GNAQ: variants seen among roughly 807,000 people sequenced by gnomAD.
GNAQ encodes G protein subunit alpha q, also known as guanine nucleotide-binding protein G(q) subunit alpha.
Under a neutral mutation model 43.9 loss-of-function variants are expected in GNAQ, and 8 were observed. The ratio of observed to expected loss-of-function variants is 0.18; its 90% CI spans 0.11 to 0.33. The LOEUF is 0.33. Ranked by LOEUF, GNAQ falls within the 10% of genes least tolerant of loss-of-function variation. The pLI is 1.00. For synonymous variants in GNAQ, 155 were observed against 170.7 expected, an observed-to-expected ratio of 0.91 and a Z score of 0.71; for missense variants, 158 against 450.8, an observed-to-expected ratio of 0.35 and a Z score of 5.88.
At chr9:77,772,426 A>T (rs1401356782) in intron 5 of GNAQ, among the ~76,000 whole-genome samples, 2 of 152,014 alleles carry the variant, frequency 1.3e-5, no homozygotes, top group Non-Finnish European at 2.9e-5. Flanking sequence ...CCCTGCCCCC[A>T]ATCTTCCTGG....
chr9:77,972,054 C>T (rs1050623759), intron 1 of GNAQ, among the ~76,000 whole-genome samples: 3 of 151,890 alleles, frequency 2.0e-5, no homozygotes, highest in East Asian at 1.9e-4. Context: ...AGATTTTGGG[C>T]TGAGATGATG....
At chr9:77,747,118 AAC>A (rs1418578151) in intron 5 of GNAQ, among the ~76,000 whole-genome samples, 1 of 152,164 alleles carries the variant, frequency 6.6e-6, no homozygotes, top group Non-Finnish European at 1.5e-5. Context: ...GTAGAGTGGA[AAC>A]ACAGGAGAGT....
At chr9:78,010,565 A>G (rs1823761704) in intron 1 of GNAQ, among the ~76,000 whole-genome samples, 1 of 152,196 alleles carries the variant, frequency 6.6e-6, no homozygotes, top group South Asian at 2.1e-4. Context: ...ACTCTCTATG[A>G]AAGACTTCAC....
At chr9:77,758,363 T>C (rs989369962) in intron 5 of GNAQ, among the ~76,000 whole-genome samples, 3 of 152,204 alleles carry the variant, frequency 2.0e-5, no homozygotes, top group Admixed American at 1.3e-4. Flanking sequence ...ACATCACAAA[T>C]ATTCTAAAAC....
Position 77,860,470 on chromosome 9 carries a change from G to A in GNAQ, c.322-44700C>T, listed in dbSNP as rs1026827288. The stretch of plus-strand genomic sequence containing the variant: ...ATGCTACAGAGATTGAGTAGGTGAG[G>A]CGGCGGGGGGATTGTTTGGGGATGA... On this transcript the variant is annotated intron_variant, in intron 2 of 6. Coordinates refer to ENST00000286548, the MANE Select transcript of GNAQ (RefSeq NM_002072.5). 3.3e-5 allele frequency among the ~76,000 whole-genome samples: 5 copies of A among 152,298 alleles called. No homozygotes were observed. The Middle Eastern group carries it at 0.017, about 518-fold the overall frequency.
At chr9:77,793,056 G>C (rs992681310) in intron 5 of GNAQ, among the ~76,000 whole-genome samples, 1 of 152,018 alleles carries the variant, frequency 6.6e-6, no homozygotes, top group Admixed American at 6.6e-5. Flanking sequence ...AAAATCAGAA[G>C]TGTTAGAATA....
At chr9:77,884,894 GA>G (rs1441924313) in intron 2 of GNAQ, among the ~76,000 whole-genome samples, 1 of 152,188 alleles carries the variant, frequency 6.6e-6, no homozygotes, top group Non-Finnish European at 1.5e-5. Flanking sequence ...GGGAGATTTT[GA>G]AAAGAAAGTA....
At chr9:77,813,973 AAG>A (rs1409829429) in intron 3 of GNAQ, among the ~76,000 whole-genome samples, 1 of 152,206 alleles carries the variant, frequency 6.6e-6, no homozygotes, top group African/African-American at 2.4e-5. Flanking sequence ...GAGAGGAGTT[AAG>A]AGAGAGCCAG....
chr9:77,758,514 T>C (rs1825938655), intron 5 of GNAQ, among the ~76,000 whole-genome samples: 1 of 152,196 alleles, frequency 6.6e-6, no homozygotes, highest in Non-Finnish European at 1.5e-5. Flanking sequence ...AAATGAAAAA[T>C]GCATGTATAT....
At chr9:77,812,864 CTACATATATA>C (rs969874145) in intron 3 of GNAQ, among the ~76,000 whole-genome samples, 23 of 151,818 alleles carry the variant, frequency 1.5e-4, no homozygotes, top group African/African-American at 4.3e-4. Flanking sequence ...TGACGTATGT[CTACATATATA>C]TACATATATA....
rs546807126 is a variant in GNAQ at position 77,959,396 on chromosome 9, C to G, written c.137-37051G>C. Among the ~76,000 whole-genome samples the G allele has an allele frequency of 1.2e-3, 182 of 152,206 alleles. 2 individuals carry two copies. The highest frequency in any genetic ancestry group is 4.2e-3 in the African/African-American group (173 of 41,528). Reference sequence around the variant, plus strand: ...TGTTTTAGTTCATCCTTCATACTTACAGATAATGTGAAATTTATTAGTAAA... The same window carrying G: ...TGTTTTAGTTCATCCTTCATACTTAGAGATAATGTGAAATTTATTAGTAAA... On this transcript the variant is annotated intron_variant, in intron 1 of 6. Coordinates refer to ENST00000286548, the MANE Select transcript of GNAQ (RefSeq NM_002072.5).
At chr9:77,892,819 T>C (rs1564143125) in intron 2 of GNAQ, among the ~76,000 whole-genome samples, 2 of 152,178 alleles carry the variant, frequency 1.3e-5, no homozygotes, top group South Asian at 2.1e-4. Context: ...AAATAATACA[T>C]ACTTTGAAAA....
chr9:77,791,052 G>A (rs1826562949), intron 5 of GNAQ, among the ~76,000 whole-genome samples: 1 of 152,132 alleles, frequency 6.6e-6, no homozygotes, highest in Admixed American at 6.5e-5. Flanking sequence ...GATCAAGGAG[G>A]GCCTAGGGTA....
At chr9:77,768,697 A>AG (rs1220651854) in intron 5 of GNAQ, among the ~76,000 whole-genome samples, 1 of 152,238 alleles carries the variant, frequency 6.6e-6, no homozygotes, top group East Asian at 1.9e-4. Flanking sequence ...GTTCTTCTAC[A>AG]GGTTCTACTT....
At chr9:77,800,967 T>A (rs944772469) in intron 3 of GNAQ, among the ~76,000 whole-genome samples, 1 of 152,168 alleles carries the variant, frequency 6.6e-6, no homozygotes, top group African/African-American at 2.4e-5. Context: ...TGATAAACCA[T>A]CTCTACTCGC....
intron 1 of GNAQ, among the ~76,000 whole-genome samples, chr9:78,004,229 A>T (rs1326522382): frequency 6.6e-6 from 1 of 150,672 alleles, no homozygotes; most frequent in Non-Finnish European, 1.5e-5. Context: ...GTTGGCTATG[A>T]CTGAGCCACT....
At chr9:77,863,049 C>G (rs750160642) in intron 2 of GNAQ, among the ~76,000 whole-genome samples, 1 of 152,148 alleles carries the variant, frequency 6.6e-6, no homozygotes, top group African/African-American at 2.4e-5. Context: ...TGGCACATGC[C>G]TGTAATCCCA....
chr9:78,020,277 T>C (rs1005517822), intron 1 of GNAQ, among the ~76,000 whole-genome samples: 1 of 151,796 alleles, frequency 6.6e-6, no homozygotes, highest in African/African-American at 2.4e-5. Context: ...ATTAGCAGAG[T>C]TCTCAAAACA....
intron 3 of GNAQ, 44 bp from the exon 4 acceptor site, chr9:77,797,692 C>T (rs1826679424): frequency 1.3e-6 from 2 of 1,591,844 alleles, no homozygotes; most frequent in South Asian, 2.2e-5. Context: ...GACACCATCA[C>T]ACCAAAGCTG....
Sources: allele counts gnomAD v4.1 joint callset (sites outside exome capture counted in the v4.1 genomes callset), GRCh38; gene constraint gnomAD v4.1.1; transcripts MANE v1.5; gene names NCBI Gene and HGNC (gene_info 2026-07-23, HGNC 2026-07-21).